ULK4: variants seen among roughly 807,000 people sequenced by gnomAD.
The protein encoded by ULK4 is unc-51 like kinase 4.
Under a neutral mutation model 160.6 loss-of-function variants are expected in ULK4, and 133 were observed. That is an observed-to-expected ratio of 0.83 (90% confidence interval 0.72 to 0.96). The LOEUF is 0.96. Among genes scored for constraint, ULK4 ranks in the 40% least tolerant of loss-of-function variants. ULK4 has a pLI of 0.00. For synonymous variants in ULK4, 534 were observed against 539.8 expected, an observed-to-expected ratio of 0.99 and a Z score of 0.15; for missense variants, 1,580 against 1,499.5, an observed-to-expected ratio of 1.05 and a Z score of -0.89.
At chr3:41,801,566 T>A (rs73073364) in intron 19 of ULK4, among the ~76,000 whole-genome samples, 1 of 151,072 alleles carries the variant, frequency 6.6e-6, no homozygotes, top group Non-Finnish European at 1.5e-5. Flanking sequence ...GAAAACCTTA[T>A]GGACAAGGAG....
chr3:41,432,141 G>A lies in ULK4; in HGVS notation c.3492+23356C>T, dbSNP rs558218020. ...TCCCTGTTGAAAACAAGGCAACGAC[G>A]GCTTCTACAGTTTACAAATGTAGTA... On this transcript the variant is annotated intron_variant, in intron 34 of 36. Coordinates refer to ENST00000301831, the MANE Select transcript of ULK4 (RefSeq NM_017886.4). Among the ~76,000 whole-genome samples, 6 of 152,094 alleles carry A rather than the reference G, an allele frequency of 3.9e-5. No homozygotes were observed. The South Asian group carries it at 8.3e-4, about 21-fold the overall frequency.
At chr3:41,783,959 T>C (rs1287446210) in intron 21 of ULK4, among the ~76,000 whole-genome samples, 1 of 151,932 alleles carries the variant, frequency 6.6e-6, no homozygotes, top group African/African-American at 2.4e-5. Context: ...GAGTTTGGAG[T>C]ACAAGGATTA....
intron 32 of ULK4, among the ~76,000 whole-genome samples, chr3:41,495,120 C>T (rs2084938676): frequency 6.6e-6 from 1 of 152,180 alleles, no homozygotes; most frequent in South Asian, 2.1e-4. Flanking sequence ...CCTGCATCAC[C>T]AAGTCAATGC....
chr3:41,831,531 A>ATATATATATATATATTTTTTT, intron 18 of ULK4, among the ~76,000 whole-genome samples: 6 of 138,064 alleles, frequency 4.3e-5, no homozygotes, highest in East Asian at 2.1e-4. Flanking sequence ...ATATATATAT[A>ATATATATATATATATTTTTTT]TTTTTTTTTC....
intron 34 of ULK4, among the ~76,000 whole-genome samples, chr3:41,424,831 C>CAAAAAAAAAAAAAAAAAAAAAAA (rs36097613): frequency 1.6e-5 from 1 of 62,398 alleles, no homozygotes; most frequent in Admixed American, 1.9e-4. Flanking sequence ...AAGAAATCAT[C>CAAAAAAAAAAAAAAAAAAAAAAA]AAAAAAAAAA....
intron 29 of ULK4, among the ~76,000 whole-genome samples, chr3:41,676,479 C>T (rs1181036980): frequency 6.6e-6 from 1 of 152,060 alleles, no homozygotes; most frequent in Non-Finnish European, 1.5e-5. Context: ...AGAACACATG[C>T]TCCCTCCAAA....
intron 35 of ULK4, among the ~76,000 whole-genome samples, chr3:41,387,765 G>A (rs150710295): frequency 1.3e-5 from 2 of 152,102 alleles, no homozygotes; most frequent in African/African-American, 4.8e-5. Context: ...TCTTAATCCA[G>A]TCTATCATTG....
chr3:41,399,590 G>T (rs2082134324), intron 34 of ULK4, among the ~76,000 whole-genome samples: 1 of 151,014 alleles, frequency 6.6e-6, no homozygotes, highest in Non-Finnish European at 1.5e-5. Context: ...TTTGTTTTTT[G>T]GGAGACAGCA....
At chr3:41,435,949 T>C (rs2083025932) in intron 34 of ULK4, among the ~76,000 whole-genome samples, 1 of 43,514 alleles carries the variant, frequency 2.3e-5, no homozygotes, top group Non-Finnish European at 4.5e-5. Flanking sequence ...CTCCGTCTCA[T>C]TCATAAATAA....
chr3:41,501,943 T>C (rs571335251), intron 32 of ULK4, among the ~76,000 whole-genome samples: 93 of 152,330 alleles, frequency 6.1e-4, no homozygotes, highest in African/African-American at 2.2e-3. Flanking sequence ...TGAGATCATG[T>C]GGTATTTCTC....
intron 32 of ULK4, among the ~76,000 whole-genome samples, chr3:41,506,526 T>C (rs2085377232): frequency 6.6e-6 from 1 of 151,820 alleles, no homozygotes; most frequent in African/African-American, 2.4e-5. Flanking sequence ...ATTTTCTTTC[T>C]TGCCGTTACT....
At chr3:41,425,089 C>T (rs2082748184) in intron 34 of ULK4, among the ~76,000 whole-genome samples, 1 of 152,014 alleles carries the variant, frequency 6.6e-6, no homozygotes, top group Non-Finnish European at 1.5e-5. Context: ...AACCAGCTTA[C>T]AGAGGAACAT....
chr3:41,431,946 C>T (rs1366961869), intron 34 of ULK4, among the ~76,000 whole-genome samples: 2 of 151,788 alleles, frequency 1.3e-5, no homozygotes, highest in East Asian at 3.9e-4. Flanking sequence ...CCGGCCACCA[C>T]GCCCGGCTAA....
At chr3:41,667,286 C>T (rs1390787785) in intron 29 of ULK4, among the ~76,000 whole-genome samples, 1 of 152,130 alleles carries the variant, frequency 6.6e-6, no homozygotes, top group Non-Finnish European at 1.5e-5. Context: ...CTTATACTAG[C>T]TTGTGCATAA....
intron 33 of ULK4, among the ~76,000 whole-genome samples, chr3:41,458,441 T>A (rs184887882): frequency 6.6e-6 from 1 of 152,138 alleles, no homozygotes; most frequent in Non-Finnish European, 1.5e-5. Flanking sequence ...GCTGGAGATA[T>A]AAGACAGGAA....
intron 27 of ULK4, among the ~76,000 whole-genome samples, chr3:41,686,852 AT>A (rs1286371023): frequency 6.6e-6 from 1 of 152,202 alleles, no homozygotes; most frequent in Non-Finnish European, 1.5e-5. Flanking sequence ...TTTTAAAAAA[AT>A]ATTTTTATAT....
At chr3:41,317,615 C>A (rs2080171126) in intron 35 of ULK4, among the ~76,000 whole-genome samples, 1 of 152,124 alleles carries the variant, frequency 6.6e-6, no homozygotes, top group East Asian at 1.9e-4. Flanking sequence ...ACCCTCCCAC[C>A]CATTTACCAA....
At chr3:41,536,719 C>T (rs2086512939) in intron 32 of ULK4, among the ~76,000 whole-genome samples, 1 of 152,092 alleles carries the variant, frequency 6.6e-6, no homozygotes, top group Admixed American at 6.5e-5. Context: ...TCCATGCCTT[C>T]TGAGTAGGCT....
At chr3:41,556,487 C>CTTTTTTTTTTTT (rs34888775) in intron 32 of ULK4, among the ~76,000 whole-genome samples, 1 of 117,082 alleles carries the variant, frequency 8.5e-6, no homozygotes, top group Admixed American at 1.0e-4. Flanking sequence ...CTCTACCAAA[C>CTTTTTTTTTTTT]TTTTTTTTTT....
Sources: allele counts gnomAD v4.1 joint callset (sites outside exome capture counted in the v4.1 genomes callset), GRCh38; gene constraint gnomAD v4.1.1; transcripts MANE v1.5; gene names NCBI Gene and HGNC (gene_info 2026-07-23, HGNC 2026-07-21).